The following ADAMTSL1 variants were observed in gnomAD, a reference collection of about 807,000 sequenced individuals.
ADAMTSL1 encodes the protein ADAMTS like 1.
In ADAMTSL1, 126 loss-of-function variants were observed where a neutral mutation model predicts 201.8. The ratio of observed to expected loss-of-function variants is 0.62; its 90% CI spans 0.54 to 0.72. The LOEUF (loss-of-function observed/expected upper bound fraction) is 0.72. Ranked by LOEUF, ADAMTSL1 falls within the 30% of genes least tolerant of loss-of-function variation. ADAMTSL1 has a pLI of 0.00. For synonymous variants in ADAMTSL1, 1,121 were observed against 903.4 expected, an observed-to-expected ratio of 1.24 and a Z score of -4.32; for missense variants, 2,679 against 2,277.8, an observed-to-expected ratio of 1.18 and a Z score of -3.59.
intron 2 of ADAMTSL1, 29 bp downstream of exon 2, chr9:18,504,985 G>T: frequency 6.3e-7 from 1 of 1,587,624 alleles, no homozygotes; most frequent in Non-Finnish European, 8.5e-7. Flanking sequence ...GGGGGTCTTT[G>T]TGAGAACCAG....
chr9:18,608,047 C>A (rs936254332), intron 4 of ADAMTSL1, among the ~76,000 whole-genome samples: 4 of 152,004 alleles, frequency 2.6e-5, no homozygotes, highest in African/African-American at 4.8e-5. Context: ...AGAAATGCAA[C>A]GTGATGCAAT....
At position 18,344,062 on chromosome 9, in the gene ADAMTSL1, C is replaced by A. The variant is rs200607205; in HGVS notation, c.208-160767C>A. On this transcript the variant is annotated intron_variant, in intron 2 of 29. Coordinates refer to the ADAMTSL1 transcript ENST00000680146. ...ATTACTTCATCTTTTTCAAAAAAAC[C>A]ATTAGATAACAGTCCTAAAGGCTGT... 1.4e-3 allele frequency among the ~76,000 whole-genome samples: 207 copies of A among 152,142 alleles called. 1 individual carries two copies. Among genetic ancestry groups the A allele is most frequent in the Admixed American group, 3.0e-3 (46 of 15,276 alleles).
intron 1 of ADAMTSL1, among the ~76,000 whole-genome samples, chr9:18,124,294 G>GA (rs1195408072): frequency 6.6e-6 from 1 of 151,798 alleles, no homozygotes; most frequent in Admixed American, 6.6e-5. Flanking sequence ...TGTTGGCCAG[G>GA]ATGGTCATGA....
intron 1 of ADAMTSL1, among the ~76,000 whole-genome samples, chr9:17,946,366 T>C (rs1827475021): frequency 6.6e-6 from 1 of 152,056 alleles, no homozygotes; most frequent in Admixed American, 6.6e-5. Context: ...TCCAAGAACA[T>C]TCTCGTAAAT....
chr9:18,417,624 CA>C (rs1818744531), intron 2 of ADAMTSL1, among the ~76,000 whole-genome samples: 3 of 151,986 alleles, frequency 2.0e-5, no homozygotes, highest in Non-Finnish European at 4.4e-5. Flanking sequence ...CTAAATTCAA[CA>C]ATATAGATGG....
intron 2 of ADAMTSL1, among the ~76,000 whole-genome samples, chr9:18,233,436 C>T (rs1434723450): frequency 6.6e-6 from 1 of 152,070 alleles, no homozygotes; most frequent in Non-Finnish European, 1.5e-5. Flanking sequence ...TGCTATGAGT[C>T]TACATGCTTA....
At chr9:18,039,348 T>A (rs530140639) in intron 1 of ADAMTSL1, among the ~76,000 whole-genome samples, 2 of 151,820 alleles carry the variant, frequency 1.3e-5, no homozygotes, top group East Asian at 1.9e-4. Context: ...ATTACTGTAT[T>A]TTTTTTTACT....
At chr9:18,000,128 G>A (rs1215149929) in intron 1 of ADAMTSL1, among the ~76,000 whole-genome samples, 1 of 150,482 alleles carries the variant, frequency 6.6e-6, no homozygotes, top group Non-Finnish European at 1.5e-5. Context: ...CCAGTAATGG[G>A]ATGGCTGGGT....
intron 14 of ADAMTSL1, among the ~76,000 whole-genome samples, chr9:18,717,228 AGT>A (rs1833004778): frequency 1.8e-5 from 1 of 55,542 alleles, no homozygotes; most frequent in Non-Finnish European, 4.7e-5. Context: ...TAAAACTTAA[AGT>A]ATAATAATAA....
chr9:18,536,357 T>C (rs1819772565), intron 3 of ADAMTSL1, among the ~76,000 whole-genome samples: 1 of 152,102 alleles, frequency 6.6e-6, no homozygotes, highest in East Asian at 1.9e-4. Context: ...TTTTCCTATT[T>C]TTTGTAGAAC....
intron 15 of ADAMTSL1, among the ~76,000 whole-genome samples, chr9:18,736,832 C>G (rs1818523999): frequency 6.6e-6 from 1 of 152,138 alleles, no homozygotes; most frequent in South Asian, 2.1e-4. Flanking sequence ...CAGAGGTAAA[C>G]TTTAAATGGA....
At chr9:18,428,114 A>G (rs934195463) in intron 2 of ADAMTSL1, among the ~76,000 whole-genome samples, 1 of 152,200 alleles carries the variant, frequency 6.6e-6, no homozygotes, top group Non-Finnish European at 1.5e-5. Context: ...TGGTAAAGCA[A>G]TTTTGGATCA....
At chr9:18,522,052 A>G (rs1818730095) in intron 2 of ADAMTSL1, among the ~76,000 whole-genome samples, 1 of 152,218 alleles carries the variant, frequency 6.6e-6, no homozygotes, top group South Asian at 2.1e-4. Flanking sequence ...AGTGGTTCAT[A>G]TAGTTTCCTT....
At chr9:18,506,716 G>A (rs1004530804) in intron 2 of ADAMTSL1, among the ~76,000 whole-genome samples, 2 of 152,242 alleles carry the variant, frequency 1.3e-5, no homozygotes, top group African/African-American at 4.8e-5. Flanking sequence ...GAATGTAAAT[G>A]CTGAAATTAT....
chr9:18,381,655 C>A (rs1369539980), intron 2 of ADAMTSL1, among the ~76,000 whole-genome samples: 4 of 151,808 alleles, frequency 2.6e-5, no homozygotes, highest in Non-Finnish European at 5.9e-5. Flanking sequence ...TAATGAAATG[C>A]GTGTAGAAAT....
intron 1 of ADAMTSL1, among the ~76,000 whole-genome samples, chr9:18,080,586 C>T (rs1343642550): frequency 1.3e-5 from 2 of 152,118 alleles, no homozygotes; most frequent in East Asian, 3.9e-4. Flanking sequence ...GTCACTTAGC[C>T]CTGAATACCA....
At chr9:18,459,148 C>T (rs1307490905) in intron 2 of ADAMTSL1, among the ~76,000 whole-genome samples, 1 of 152,148 alleles carries the variant, frequency 6.6e-6, no homozygotes, top group Non-Finnish European at 1.5e-5. Flanking sequence ...TAGTCCTATG[C>T]ACATGGATTT....
At chr9:18,128,277 A>G (rs1825817973) in intron 1 of ADAMTSL1, among the ~76,000 whole-genome samples, 1 of 152,192 alleles carries the variant, frequency 6.6e-6, no homozygotes, top group Non-Finnish European at 1.5e-5. Context: ...CCACCAGGGT[A>G]ATGAGATTTG....
chr9:18,712,296 C>T (rs961306242), intron 14 of ADAMTSL1, among the ~76,000 whole-genome samples: 2 of 152,176 alleles, frequency 1.3e-5, no homozygotes, highest in African/African-American at 4.8e-5. Flanking sequence ...AATCAAATTA[C>T]TCCGAGCTAT....
Sources: allele counts gnomAD v4.1 joint callset (sites outside exome capture counted in the v4.1 genomes callset), GRCh38; gene constraint gnomAD v4.1.1; transcripts MANE v1.5; gene names NCBI Gene and HGNC (gene_info 2026-07-23, HGNC 2026-07-21).